TTF2: variants seen among roughly 807,000 people sequenced by gnomAD.
TTF2 encodes the protein RNA polymerase II termination factor.
A neutral mutation model predicts 142.4 loss-of-function variants in TTF2; 108 were observed. That is an observed-to-expected ratio of 0.76 (90% CI 0.65 to 0.89). TTF2 has a LOEUF of 0.89. Among genes scored for constraint, TTF2 ranks in the 40% least tolerant of loss-of-function variants. The pLI, the probability that TTF2 is intolerant of heterozygous loss-of-function variation, is 0.00. For synonymous variants in TTF2, 483 were observed against 506.2 expected (o/e 0.95, Z 0.61); for missense variants, 1,327 against 1,379.8 (o/e 0.96, Z 0.61).
rs1210475444 is a variant in TTF2 at position 117,103,316 on chromosome 1, A to G, written c.*1792A>G. The G allele has an allele frequency of 6.6e-6, 1 of 152,090 alleles. No individual in the cohort carries two copies. Among genetic ancestry groups the G allele is most frequent in the African/African-American group, 2.4e-5 (1 of 41,410 alleles). The allele number at this position is 152,090 out of a possible 1,614,324, so 9.4% of individuals were successfully genotyped here. A position where few individuals can be genotyped will look rare whatever the true frequency, so the allele number is the denominator to read the frequency against. Reference sequence around the variant, plus strand: ...CTGTGTTGTTTACATAGCAGTTTGTACCCTAAACAAACACTTGAGATTTTA... The same window carrying G: ...CTGTGTTGTTTACATAGCAGTTTGTGCCCTAAACAAACACTTGAGATTTTA... On this transcript the variant is annotated 3_prime_UTR_variant, in exon 23 of 23. Coordinates refer to ENST00000369466, the MANE Select transcript of TTF2 (RefSeq NM_003594.4).
chr1:117,076,959 A>T lies in TTF2; in HGVS notation c.1573+136A>T, dbSNP rs920014211. 6 of 581,822 alleles carry T rather than the reference A, an allele frequency of 1.0e-5. No homozygotes were observed. The highest frequency in any genetic ancestry group is 1.6e-5 in the Non-Finnish European group (6 of 368,764). The allele number at this position is 581,822 out of a possible 1,614,324, so 36.0% of individuals were successfully genotyped here. A position where few individuals can be genotyped will look rare whatever the true frequency, so the allele number is the denominator to read the frequency against. ...TGGTTCAAAAAAAGGTGAGTACAGT[A>T]CAGTAAGATATTTTGAGAGAGAAAG... On this transcript the variant is annotated intron_variant, in intron 7 of 22. Transcript: ENST00000369466. This position sits in a 1 kb window ranked among gnomAD's most constrained non-coding sequence, Gnocchi z 4.6.
chr1:117,078,219 C>G (rs1657177527), intron 8 of TTF2, among the ~76,000 whole-genome samples, 176 bp downstream of exon 8: 1 of 152,158 alleles, frequency 6.6e-6, no homozygotes, highest in African/African-American at 2.4e-5. Context: ...CAACAAAACC[C>G]CTTTTTTAAA....
Position 117,073,586 on chromosome 1 carries a change from G to T in TTF2, c.219-75G>T. ...TCAAATAGTTGCAAGATGTTTTCTT[G>T]GATTAAAAATAAGCTTATCTCTTGT... On this transcript the variant is annotated intron_variant, in intron 3 of 22. Transcript: ENST00000369466. This position sits in a 1 kb window ranked among gnomAD's most constrained non-coding sequence, Gnocchi z 4.4. The T allele has an allele frequency of 7.1e-7, 1 of 1,411,944 alleles. No homozygotes were observed. Among genetic ancestry groups the T allele is most frequent in the South Asian group, 1.4e-5 (1 of 71,168 alleles). 87.5% of individuals were successfully genotyped at this position (1,411,944 alleles called of 1,614,324 possible).
chr1:117,071,872 T>C (rs531586913), intron 3 of TTF2, among the ~76,000 whole-genome samples: 29 of 152,088 alleles, frequency 1.9e-4, no homozygotes, highest in Non-Finnish European at 3.7e-4. Flanking sequence ...GTAAATGTAA[T>C]TGTGTTTTTT....
Position 117,076,627 on chromosome 1 carries a change from T to G in TTF2, c.1391-14T>G, listed in dbSNP as rs745566421. 3 of 1,598,068 alleles carry G rather than the reference T, an allele frequency of 1.9e-6. No individual in the cohort carries two copies. The highest frequency in any genetic ancestry group is 1.7e-6 in the Non-Finnish European group (2 of 1,170,930). Reference sequence around the variant, plus strand: ...GCTGAACTTTAATCTGCTCTTCCCTTGTTTTCTGAGCAGGAACTAATGAGA... The same window carrying G: ...GCTGAACTTTAATCTGCTCTTCCCTGGTTTTCTGAGCAGGAACTAATGAGA... On this transcript the variant is annotated splice_polypyrimidine_tract_variant and intron_variant, in intron 6 of 22. Coordinates refer to ENST00000369466, the MANE Select transcript of TTF2 (RefSeq NM_003594.4). The surrounding 1 kb of genome is among the most constrained non-coding windows in gnomAD (Gnocchi z 4.6).
At position 117,090,797 on chromosome 1, in the gene TTF2, C is replaced by T. The variant is rs1311833467; in HGVS notation, c.2588+174C>T. 2.0e-5 allele frequency among the ~76,000 whole-genome samples: 3 copies of T among 151,694 alleles called. No homozygotes were observed. Among genetic ancestry groups the T allele is most frequent in the Non-Finnish European group, 2.9e-5 (2 of 67,964 alleles). ...TCTCCTTCTCCCCTCCCCAGCTTACCTCTGTCTCATACACACATGGAAGGC... is the reference window on the plus strand; with the variant it reads ...TCTCCTTCTCCCCTCCCCAGCTTACTTCTGTCTCATACACACATGGAAGGC... On this transcript the variant is annotated intron_variant, in intron 15 of 22. Transcript: ENST00000369466. This position sits in a 1 kb window ranked among gnomAD's most constrained non-coding sequence, Gnocchi z 4.8.
rs1257300255 is a variant in TTF2, at chr1:117,076,110, T to G, written c.1276-70T>G. 6.9e-7 allele frequency: 1 copy of G among 1,458,636 alleles called. No individual in the cohort carries two copies. The highest frequency in any genetic ancestry group is 2.0e-5 in the Admixed American group (1 of 49,274). 90.4% of individuals were successfully genotyped at this position (1,458,636 alleles called of 1,614,324 possible). ...ATTTCAGAGTTTGGGTGTTTCAGGC[T>G]ATTTTAATCTGAAACTATTCATCTA... On this transcript the variant is annotated intron_variant, in intron 5 of 22. Coordinates refer to ENST00000369466, the MANE Select transcript of TTF2 (RefSeq NM_003594.4). The surrounding 1 kb of genome is among the most constrained non-coding windows in gnomAD (Gnocchi z 4.6).
intron 11 of TTF2, among the ~76,000 whole-genome samples, 158 bp downstream of exon 11, chr1:117,084,326 G>A (rs931173181): frequency 1.3e-5 from 2 of 152,202 alleles, no homozygotes; most frequent in African/African-American, 4.8e-5. Context: ...CCTTTGCGTT[G>A]TATCCTGAGG....
chr1:117,067,524 C>CA (rs1161287519), intron 3 of TTF2, among the ~76,000 whole-genome samples: 3,559 of 38,874 alleles, frequency 0.092, 229 homozygotes, highest in Non-Finnish European at 0.11. Context: ...GACTCAGTCT[C>CA]AAAAAAAAAA....
At chr1:117,094,023 A>AC (rs1319280132) in intron 18 of TTF2, among the ~76,000 whole-genome samples, 1 of 152,164 alleles carries the variant, frequency 6.6e-6, no homozygotes, top group Admixed American at 6.5e-5. Context: ...TTGCCAAGAC[A>AC]CCAGGCACAT....
In TTF2 at chr1:117,103,988, C is replaced by T. The variant is rs966462498; in HGVS notation, c.*2464C>T. On this transcript the variant is annotated 3_prime_UTR_variant, in exon 23 of 23. Coordinates refer to ENST00000369466, the MANE Select transcript of TTF2 (RefSeq NM_003594.4). ...AAAAAAAAAAGAGAGAGAAAAAAAT[C>T]CTTACTTTCTCTACACTCTGATTTC... 1 of 150,532 alleles carries T rather than the reference C, an allele frequency of 6.6e-6. No individual in the cohort carries two copies. The highest frequency in any genetic ancestry group is 1.5e-5 in the Non-Finnish European group (1 of 67,730). 9.3% of individuals were successfully genotyped at this position (150,532 alleles called of 1,614,324 possible).
intron 7 of TTF2, among the ~76,000 whole-genome samples, 174 bp from the exon 8 acceptor site, chr1:117,077,742 A>G (rs893523937): frequency 6.6e-6 from 1 of 152,188 alleles, no homozygotes; most frequent in Non-Finnish European, 1.5e-5. Flanking sequence ...TGACCAGAAA[A>G]GCAAAAGCCA....
intron 3 of TTF2, among the ~76,000 whole-genome samples, chr1:117,072,708 C>T (rs1278802124): frequency 6.6e-6 from 1 of 152,040 alleles, no homozygotes; most frequent in Non-Finnish European, 1.5e-5. Flanking sequence ...CAGGTGTGAG[C>T]CACCGCACCC....
rs980602006 is a variant in TTF2 at position 117,107,213 on chromosome 1, T to C, written c.*5689T>C. ...CAGCAGGCAAGACAGCTCAGTTAAA[T>C]TGAGTTTGGACTCCACTGTAGTGCA... On this transcript the variant is annotated 3_prime_UTR_variant, in exon 23 of 23. Transcript: ENST00000369466. 24 of 152,190 alleles carry C rather than the reference T, an allele frequency of 1.6e-4. No homozygotes were observed. Among genetic ancestry groups the C allele is most frequent in the African/African-American group, 5.8e-4 (24 of 41,436 alleles). The allele number at this position is 152,190 out of a possible 1,614,324, so 9.4% of individuals were successfully genotyped here. A position where few individuals can be genotyped will look rare whatever the true frequency, so the allele number is the denominator to read the frequency against.
Position 117,063,413 on chromosome 1 carries a change from CCT to C in TTF2, c.218+941_218+942del, listed in dbSNP as rs1040111438. ...TAATTTCACCCCTCCCATCTCCACCCCTGTCAGCAATCACTGTTCTGATTTTT... is the reference window on the plus strand; with the variant it reads ...TAATTTCACCCCTCCCATCTCCACCCGTCAGCAATCACTGTTCTGATTTTT... On this transcript the variant is annotated intron_variant, in intron 3 of 22. Coordinates refer to ENST00000369466, the MANE Select transcript of TTF2 (RefSeq NM_003594.4). The surrounding 1 kb of genome is among the most constrained non-coding windows in gnomAD (Gnocchi z 4.1). 7.9e-5 allele frequency among the ~76,000 whole-genome samples: 12 copies of C among 152,312 alleles called. No individual in the cohort carries two copies. The highest frequency in any genetic ancestry group is 1.2e-4 in the African/African-American group (5 of 41,566).
Position 117,077,783 on chromosome 1 carries a change from A to G in TTF2, c.1574-133A>G, listed in dbSNP as rs143841184. On this transcript the variant is annotated intron_variant, in intron 7 of 22. Transcript: ENST00000369466. ...TTCCCAACTGAGAACTGCTAGAGAC[A>G]TGGAAAGTTGAGGAGAGTAGTTAAC... The G allele has an allele frequency of 2.7e-4, 335 of 1,250,012 alleles. 1 individual carries two copies. The African/African-American group carries it at 4.5e-3, about 17-fold the overall frequency. The allele number at this position is 1,250,012 out of a possible 1,614,324, so 77.4% of individuals were successfully genotyped here.
chr1:117,065,365 A>G (rs190559860), intron 3 of TTF2, among the ~76,000 whole-genome samples: 30 of 152,318 alleles, frequency 2.0e-4, no homozygotes, highest in Middle Eastern at 3.4e-3. Flanking sequence ...TTGGGAGGCC[A>G]AGGCGGGCGG....
intron 12 of TTF2, 84 bp from the exon 13 acceptor site, chr1:117,088,717 G>T (rs1351779868): frequency 6.7e-7 from 1 of 1,482,786 alleles, no homozygotes; most frequent in Non-Finnish European, 9.1e-7. Context: ...GGTCCTCCAT[G>T]CTTGCCTGCT....
Position 117,097,267 on chromosome 1 carries a change from T to C in TTF2, c.3187-84T>C. On this transcript the variant is annotated intron_variant, in intron 20 of 22. Transcript: ENST00000369466. The surrounding 1 kb of genome is among the most constrained non-coding windows in gnomAD (Gnocchi z 4.1). ...TTGATAGGAACACAGTGCTTATCTG[T>C]ATTGATTGTGGACTTAAACCTGAGA... 8.4e-7 allele frequency: 1 copy of C among 1,185,352 alleles called. No homozygotes were observed. Among genetic ancestry groups the C allele is most frequent in the South Asian group, 1.2e-5 (1 of 81,490 alleles). 73.4% of individuals were successfully genotyped at this position (1,185,352 alleles called of 1,614,324 possible).
Sources: allele counts gnomAD v4.1 joint callset (sites outside exome capture counted in the v4.1 genomes callset), GRCh38; gene constraint gnomAD v4.1.1; non-coding constraint Gnocchi (gnomAD v3.1); transcripts MANE v1.5; gene names NCBI Gene and HGNC (gene_info 2026-07-23, HGNC 2026-07-21).